Variants in TRRAP observed in about 807,000 individuals in gnomAD.
The protein encoded by TRRAP is transformation/transcription domain-associated protein.
Under a neutral mutation model 438.8 loss-of-function variants are expected in TRRAP, and 41 were observed. That is an observed-to-expected ratio of 0.09 (90% CI 0.07 to 0.12). The LOEUF is 0.12. Among genes scored for constraint, TRRAP ranks in the 10% least tolerant of loss-of-function variants. The pLI is 1.00. For synonymous variants in TRRAP, 1,994 were observed against 1,962.9 expected, an observed-to-expected ratio of 1.02 and a Z score of -0.42; for missense variants, 3,122 against 5,055.1, an observed-to-expected ratio of 0.62 and a Z score of 11.60.
chr7:98,938,320 C>T (rs574219175), intron 30 of TRRAP, among the ~76,000 whole-genome samples: 7 of 152,208 alleles, frequency 4.6e-5, no homozygotes, highest in African/African-American at 1.7e-4. Context: ...GTCTGGGTGA[C>T]AGAGCAAGAC....
At chr7:98,885,131 T>G (rs1795639470) in intron 3 of TRRAP, among the ~76,000 whole-genome samples, 1 of 152,068 alleles carries the variant, frequency 6.6e-6, no homozygotes, top group African/African-American at 2.4e-5. Flanking sequence ...TAAAAAAAAT[T>G]TTAAGAGATA....
chr7:98,993,768 T>C, intron 66 of TRRAP, 31 bp downstream of exon 66: 1 of 1,609,312 alleles, frequency 6.2e-7, no homozygotes. Context: ...ACATGGTGGC[T>C]CCTTGTAGAG....
Position 98,908,975 on chromosome 7 carries a change from C to T in TRRAP, c.1350+13C>T. ...GCGGATGCTGGAGGTACCAGCTCTTCTGAGAGTATCATCCATCCTGCACTC... is the reference window on the plus strand; with the variant it reads ...GCGGATGCTGGAGGTACCAGCTCTTTTGAGAGTATCATCCATCCTGCACTC... On this transcript the variant is annotated intron_variant, in intron 14 of 72. Coordinates refer to ENST00000456197, the MANE Select transcript of TRRAP (RefSeq NM_001375524.1). The surrounding 1 kb of genome is among the most constrained non-coding windows in gnomAD (Gnocchi z 4.1). 2 of 1,603,282 alleles carry T rather than the reference C, an allele frequency of 1.2e-6. No homozygotes were observed. Among genetic ancestry groups the T allele is most frequent in the Non-Finnish European group, 1.7e-6 (2 of 1,173,218 alleles).
intron 69 of TRRAP, among the ~76,000 whole-genome samples, chr7:99,007,437 C>T (rs1313145555): frequency 1.3e-5 from 2 of 152,234 alleles, no homozygotes; most frequent in Non-Finnish European, 2.9e-5. Flanking sequence ...CCACCTCCAC[C>T]TCCTGGGTTC....
intron 67 of TRRAP, chr7:98,999,705 C>A: frequency 1.3e-6 from 1 of 793,696 alleles, no homozygotes; most frequent in Non-Finnish European, 2.2e-6. Flanking sequence ...GTTCAGAGTT[C>A]AGCACAAGTG....
intron 19 of TRRAP, 33 bp from the exon 20 acceptor site, chr7:98,917,390 T>G: frequency 6.2e-7 from 1 of 1,604,694 alleles, no homozygotes; most frequent in Non-Finnish European, 8.5e-7. Context: ...GGGGAGCGTC[T>G]TCCCTCTCTG....
chr7:98,903,583 T>C, intron 12 of TRRAP, 66 bp downstream of exon 12: 1 of 1,597,856 alleles, frequency 6.3e-7, no homozygotes, highest in Non-Finnish European at 8.5e-7. Flanking sequence ...GGGACTCGGC[T>C]GACATTCCAT....
At position 98,985,570 on chromosome 7, in the gene TRRAP, A is replaced by G. The variant is rs74724792; in HGVS notation, c.9389+526A>G. On this transcript the variant is annotated intron_variant, in intron 62 of 72. Coordinates refer to ENST00000456197, the MANE Select transcript of TRRAP (RefSeq NM_001375524.1). ...AACCATTTGCTGTCTAGCCCATCGC[A>G]GGAAAGGTTGCCAAACCCTGGTTTA... 2.6e-5 allele frequency among the ~76,000 whole-genome samples: 4 copies of G among 152,360 alleles called. No homozygotes were observed. In the East Asian group the frequency reaches 5.8e-4, roughly 22 times the overall value.
chr7:98,955,015 C>A (rs1554419220), intron 40 of TRRAP, 83 bp from the exon 41 acceptor site: 2 of 1,399,890 alleles, frequency 1.4e-6, no homozygotes, highest in Admixed American at 2.3e-5. Context: ...GGAAAAGTAG[C>A]ATGTCTTGAC....
intron 44 of TRRAP, among the ~76,000 whole-genome samples, chr7:98,958,699 G>C (rs1057214589): frequency 6.6e-6 from 1 of 152,120 alleles, no homozygotes. Context: ...GATTATGGTG[G>C]GACATGATCT....
chr7:98,938,557 C>T (rs1562950626), intron 30 of TRRAP, among the ~76,000 whole-genome samples: 1 of 66,848 alleles, frequency 1.5e-5, no homozygotes, highest in African/African-American at 2.8e-5. Context: ...AAAGGGGGTA[C>T]AATATATATA....
intron 53 of TRRAP, 139 bp downstream of exon 53, chr7:98,972,084 C>G (rs1184940369): frequency 1.6e-6 from 2 of 1,242,292 alleles, no homozygotes; most frequent in Non-Finnish European, 1.1e-6. Flanking sequence ...GCTTTGTCAC[C>G]CAGCCTGCAG....
At chr7:98,914,718 C>CAAAAAAAAA in intron 18 of TRRAP, among the ~76,000 whole-genome samples, 15 of 41,298 alleles carry the variant, frequency 3.6e-4, no homozygotes, top group Non-Finnish European at 5.6e-4. Flanking sequence ...GACCCTGTCT[C>CAAAAAAAAA]AAAAAAAAAA....
intron 28 of TRRAP, among the ~76,000 whole-genome samples, chr7:98,936,571 G>A (rs186727869): frequency 4.2e-4 from 64 of 152,280 alleles, no homozygotes; most frequent in African/African-American, 1.2e-3. Context: ...CCTCAAAGCT[G>A]GGTAGTGAAG....
intron 33 of TRRAP, among the ~76,000 whole-genome samples, chr7:98,946,582 A>C (rs1254328990): frequency 6.7e-6 from 1 of 148,362 alleles, no homozygotes; most frequent in Non-Finnish European, 1.5e-5. Flanking sequence ...ACGCGCACAC[A>C]CCACATATGC....
chr7:98,930,516 T>G, intron 24 of TRRAP, 117 bp from the exon 25 acceptor site: 1 of 1,312,426 alleles, frequency 7.6e-7, no homozygotes, highest in Non-Finnish European at 1.1e-6. Context: ...AGATGGAGGT[T>G]GCGGTGAGCC....
At chr7:98,959,555 G>A in intron 45 of TRRAP, 65 bp downstream of exon 45, 1 of 1,566,808 alleles carries the variant, frequency 6.4e-7, no homozygotes, top group African/African-American at 1.4e-5. Context: ...ACTGTCACCT[G>A]GGCAGGGACT....
intron 58 of TRRAP, among the ~76,000 whole-genome samples, chr7:98,979,428 T>C (rs1792813641): frequency 6.6e-6 from 1 of 152,246 alleles, no homozygotes; most frequent in Non-Finnish European, 1.5e-5. Context: ...ACAGTTGTTT[T>C]GTTACACTGT....
At chr7:98,955,335 G>C in intron 41 of TRRAP, 31 bp downstream of exon 41, 5 of 1,577,624 alleles carry the variant, frequency 3.2e-6, no homozygotes, top group Non-Finnish European at 4.3e-6. Context: ...GCTGCGGGGC[G>C]CGCGTCTTCA....
Sources: allele counts gnomAD v4.1 joint callset (sites outside exome capture counted in the v4.1 genomes callset), GRCh38; gene constraint gnomAD v4.1.1; non-coding constraint Gnocchi (gnomAD v3.1); transcripts MANE v1.5; gene names NCBI Gene and HGNC (gene_info 2026-07-23, HGNC 2026-07-21).